Variants in ATP10D observed in about 807,000 individuals in gnomAD.
ATP10D encodes phospholipid-transporting ATPase VD.
Under a neutral mutation model 144.8 loss-of-function variants are expected in ATP10D, and 89 were observed. That is an observed-to-expected ratio of 0.61 (90% CI 0.52 to 0.73). The LOEUF is 0.73. Ranked by LOEUF, ATP10D falls within the 30% of genes least tolerant of loss-of-function variation. The pLI is 0.00. For synonymous variants in ATP10D, 571 were observed against 615.1 expected, an observed-to-expected ratio of 0.93 and a Z score of 1.06; for missense variants, 1,603 against 1,714.8, an observed-to-expected ratio of 0.93 and a Z score of 1.15.
chr4:47,550,245 T>C (rs1483587570), intron 10 of ATP10D, among the ~76,000 whole-genome samples: 1 of 152,144 alleles, frequency 6.6e-6, no homozygotes, highest in African/African-American at 2.4e-5. Flanking sequence ...ACAATTATAG[T>C]GGGCTGCTGC....
intron 1 of ATP10D, among the ~76,000 whole-genome samples, chr4:47,489,364 A>G (rs927873519): frequency 6.6e-6 from 1 of 151,706 alleles, no homozygotes; most frequent in South Asian, 2.1e-4. Flanking sequence ...GATAAAAGCA[A>G]GTTACAAAAT....
chr4:47,546,950 T>C (rs780067250), intron 10 of ATP10D, 88 bp downstream of exon 10: 20 of 1,282,446 alleles, frequency 1.6e-5, no homozygotes, highest in Non-Finnish European at 2.1e-5. Flanking sequence ...TCAAACTCTG[T>C]TGTCTTTTCT....
chr4:47,506,784 C>T (rs1716041403), intron 1 of ATP10D, among the ~76,000 whole-genome samples: 1 of 152,014 alleles, frequency 6.6e-6, no homozygotes, highest in Admixed American at 6.6e-5. Context: ...AGACAGGGTT[C>T]CTATGGTTGG....
chr4:47,583,343 C>T (rs907729729), intron 21 of ATP10D: 1 of 151,910 alleles, frequency 6.6e-6, no homozygotes, highest in African/African-American at 2.4e-5. Context: ...TTATGTTTAC[C>T]GTCCTGATAA....
intron 13 of ATP10D, chr4:47,560,076 C>A (rs1175414804): frequency 1.3e-5 from 2 of 152,108 alleles, no homozygotes; most frequent in East Asian, 1.9e-4. Context: ...CAAGATCAAA[C>A]CAACTCTGCC....
At chr4:47,581,917 G>A (rs771483152) in intron 20 of ATP10D, 43 bp from the exon 21 acceptor site, 26 of 1,518,092 alleles carry the variant, frequency 1.7e-5, no homozygotes, top group Non-Finnish European at 2.3e-5. Flanking sequence ...CCCACACCAA[G>A]TTGCACAACT....
intron 1 of ATP10D, among the ~76,000 whole-genome samples, chr4:47,504,570 T>G (rs1419069765): frequency 6.6e-6 from 1 of 152,058 alleles, no homozygotes; most frequent in African/African-American, 2.4e-5. Context: ...GAGACTTTTT[T>G]TTTTCTTTTT....
chr4:47,530,309 A>G (rs1717497819), intron 5 of ATP10D, among the ~76,000 whole-genome samples: 2 of 151,854 alleles, frequency 1.3e-5, no homozygotes, highest in South Asian at 4.1e-4. Flanking sequence ...GATTCTTGTT[A>G]TTTTGAGGTT....
chr4:47,536,409 CT>C (rs777756913), intron 7 of ATP10D, 27 bp from the exon 8 acceptor site: 1 of 1,608,776 alleles, frequency 6.2e-7, no homozygotes, highest in South Asian at 1.1e-5. Context: ...ATTTAGCATC[CT>C]TTTGATGTCT....
At chr4:47,562,783 A>T (rs1719389703) in intron 14 of ATP10D, among the ~76,000 whole-genome samples, 1 of 152,156 alleles carries the variant, frequency 6.6e-6, no homozygotes, top group Admixed American at 6.5e-5. Context: ...AAGTCACAGA[A>T]TCAGATTTCT....
intron 19 of ATP10D, among the ~76,000 whole-genome samples, chr4:47,579,314 AT>A (rs1398656754): frequency 2.0e-5 from 3 of 152,236 alleles, no homozygotes; most frequent in African/African-American, 4.8e-5. Flanking sequence ...GGCACCTGGT[AT>A]GTACAAGACA....
At chr4:47,532,037 C>T (rs755710550) in intron 5 of ATP10D, among the ~76,000 whole-genome samples, 7 of 152,152 alleles carry the variant, frequency 4.6e-5, no homozygotes, top group Non-Finnish European at 1.0e-4. Context: ...TCCTGTGTCC[C>T]AATTCTGATA....
intron 10 of ATP10D, among the ~76,000 whole-genome samples, chr4:47,547,779 G>A (rs371949985): frequency 6.6e-6 from 1 of 152,062 alleles, no homozygotes; most frequent in African/African-American, 2.4e-5. Flanking sequence ...GGAAGGCCTC[G>A]AACTTCCCAG....
chr4:47,558,861 A>G (rs191877898), intron 12 of ATP10D, 62 bp from the exon 13 acceptor site: 3 of 1,346,072 alleles, frequency 2.2e-6, no homozygotes, highest in Non-Finnish European at 3.1e-6. Context: ...CTATTGTTTT[A>G]AAAAGTATTT....
chr4:47,547,695 T>A (rs1718512283), intron 10 of ATP10D: 1 of 152,190 alleles, frequency 6.6e-6, no homozygotes, highest in South Asian at 2.1e-4. Context: ...TTTATGTTTC[T>A]ACATTGAATT....
chr4:47,576,759 C>T lies in ATP10D; in HGVS notation c.3367-14C>T, dbSNP rs1283569988. On this transcript the variant is annotated splice_polypyrimidine_tract_variant and intron_variant, in intron 18 of 22. Coordinates refer to ENST00000273859, the MANE Select transcript of ATP10D (RefSeq NM_020453.4). ...CTGATTCTAAGATCTGAATGTCCTTCTTTGTGTCTCTAGGCCTATGTGAAC... is the reference window on the plus strand; with the variant it reads ...CTGATTCTAAGATCTGAATGTCCTTTTTTGTGTCTCTAGGCCTATGTGAAC... The T allele has an allele frequency of 1.2e-6, 2 of 1,610,052 alleles. No individual in the cohort carries two copies. Among genetic ancestry groups the T allele is most frequent in the East Asian group, 4.5e-5 (2 of 44,850 alleles).
At chr4:47,491,288 A>G (rs917628804) in intron 1 of ATP10D, 4 of 897,858 alleles carry the variant, frequency 4.5e-6, no homozygotes, top group South Asian at 2.6e-5. Context: ...CAGTTTTGCC[A>G]TGGTAACACT....
intron 16 of ATP10D, among the ~76,000 whole-genome samples, chr4:47,571,718 A>G (rs917928416): frequency 5.3e-5 from 8 of 152,174 alleles, no homozygotes; most frequent in African/African-American, 1.9e-4. Context: ...AAGCCTTATG[A>G]AAGGGCATCT....
intron 1 of ATP10D, among the ~76,000 whole-genome samples, chr4:47,493,985 C>T (rs1340255971): frequency 6.6e-6 from 1 of 152,144 alleles, no homozygotes; most frequent in African/African-American, 2.4e-5. Context: ...ATTTCATTTA[C>T]TTTCCTGTAT....
Sources: allele counts gnomAD v4.1 joint callset (sites outside exome capture counted in the v4.1 genomes callset), GRCh38; gene constraint gnomAD v4.1.1; transcripts MANE v1.5; gene names NCBI Gene and HGNC (gene_info 2026-07-23, HGNC 2026-07-21).